Variants in STOX2 observed in about 807,000 individuals in gnomAD.
The protein encoded by STOX2 is storkhead box 2.
Under a neutral mutation model 60.9 loss-of-function variants are expected in STOX2, and 28 were observed. That is an observed-to-expected ratio of 0.46 (90% CI 0.34 to 0.63). STOX2 has a LOEUF of 0.63. STOX2 is among the 30% of genes least tolerant of loss of function. The pLI, the probability that STOX2 is intolerant of heterozygous loss-of-function variation, is 0.01. For missense variants in STOX2, 1,024 were observed against 1,187.7 expected (o/e 0.86, Z 2.03); for synonymous variants, 472 against 463.9 (o/e 1.02, Z -0.22).
chr4:183,927,912 C>T (rs1196552962), intron 1 of STOX2, among the ~76,000 whole-genome samples: 1 of 152,144 alleles, frequency 6.6e-6, no homozygotes, highest in Non-Finnish European at 1.5e-5. Flanking sequence ...CCCAGGCATC[C>T]CACCAAGTGG....
chr4:183,912,669 G>T (rs1028839687), intron 1 of STOX2, among the ~76,000 whole-genome samples: 1 of 152,156 alleles, frequency 6.6e-6, no homozygotes, highest in Non-Finnish European at 1.5e-5. Flanking sequence ...CACATCACGA[G>T]TTTACAACCC....
intron 2 of STOX2, among the ~76,000 whole-genome samples, chr4:184,008,499 TACTG>T (rs149808313): frequency 0.032 from 4,817 of 152,270 alleles, 270 homozygotes; most frequent in African/African-American, 0.11. Flanking sequence ...ACCTTCTTCT[TACTG>T]ACTGACGCCA....
At chr4:183,844,049 C>T (rs956664220) in intron 1 of STOX2, among the ~76,000 whole-genome samples, 3 of 152,112 alleles carry the variant, frequency 2.0e-5, no homozygotes, top group Non-Finnish European at 4.4e-5. Context: ...AATTTCTAAT[C>T]TTTTTAAAAG....
At chr4:183,918,676 G>A (rs2309942) in intron 1 of STOX2, among the ~76,000 whole-genome samples, 34,722 of 152,204 alleles carry the variant, frequency 0.23, 4,413 homozygotes, top group East Asian at 0.52. Flanking sequence ...GTTTATAAAA[G>A]TAGTGATGGG....
chr4:183,837,279 A>G (rs1305181744), intron 1 of STOX2, among the ~76,000 whole-genome samples: 2 of 152,194 alleles, frequency 1.3e-5, no homozygotes, highest in African/African-American at 2.4e-5. Context: ...TCACAATGTC[A>G]TGTAACCATC....
chr4:183,999,094 C>G lies in STOX2; in HGVS notation c.167-2231C>G, dbSNP rs1560930978. On this transcript the variant is annotated intron_variant, in intron 1 of 3. Transcript: ENST00000308497. ...AAAACAAATGAACAAACAAAAAAACCCAGCTTTTTTTGTAGGAAAAAAAAG... is the reference window on the plus strand; with the variant it reads ...AAAACAAATGAACAAACAAAAAAACGCAGCTTTTTTTGTAGGAAAAAAAAG... Among the ~76,000 whole-genome samples the G allele has an allele frequency of 2.0e-5, 3 of 151,942 alleles. No individual in the cohort carries two copies. The South Asian group carries it at 6.2e-4, about 32-fold the overall frequency.
At chr4:183,917,340 C>A (rs1308114809) in intron 1 of STOX2, among the ~76,000 whole-genome samples, 1 of 152,208 alleles carries the variant, frequency 6.6e-6, no homozygotes, top group Non-Finnish European at 1.5e-5. Context: ...TTAGCTGTAA[C>A]CACCGGGTTG....
chr4:183,843,492 T>G (rs1739917190), intron 1 of STOX2, among the ~76,000 whole-genome samples: 2 of 152,184 alleles, frequency 1.3e-5, no homozygotes, highest in African/African-American at 4.8e-5. Flanking sequence ...TTGGCAAACT[T>G]TTTCCACAGA....
chr4:183,847,583 A>G (rs1649642235), intron 1 of STOX2, among the ~76,000 whole-genome samples: 1 of 152,234 alleles, frequency 6.6e-6, no homozygotes, highest in Non-Finnish European at 1.5e-5. Context: ...CTCTCCTTCC[A>G]GCACTAGGAA....
At chr4:183,843,941 T>A (rs1260599357) in intron 1 of STOX2, among the ~76,000 whole-genome samples, 1 of 152,232 alleles carries the variant, frequency 6.6e-6, no homozygotes, top group Admixed American at 6.5e-5. Context: ...ATAGTTTATG[T>A]AGTGTAGGTG....
At chr4:183,972,069 T>C (rs1743757332) in intron 1 of STOX2, among the ~76,000 whole-genome samples, 1 of 152,096 alleles carries the variant, frequency 6.6e-6, no homozygotes, top group Non-Finnish European at 1.5e-5. Context: ...TCATAGTGAG[T>C]GGAAGAAGCC....
intron 1 of STOX2, among the ~76,000 whole-genome samples, chr4:183,987,525 C>A (rs368370165): frequency 2.6e-5 from 4 of 152,150 alleles, no homozygotes; most frequent in African/African-American, 9.6e-5. Flanking sequence ...AGGGGAGGAA[C>A]CAGCCACCCC....
chr4:183,956,607 T>A (rs1217397806), intron 1 of STOX2, among the ~76,000 whole-genome samples: 1 of 152,184 alleles, frequency 6.6e-6, no homozygotes, highest in Non-Finnish European at 1.5e-5. Context: ...CTCTTACACA[T>A]AATAAGACTA....
chr4:183,887,265 A>G (rs983011761), intron 1 of STOX2, among the ~76,000 whole-genome samples: 2 of 75,920 alleles, frequency 2.6e-5, no homozygotes, highest in East Asian at 3.0e-3. Context: ...ACTCCGCCTG[A>G]AAGAAAAAAA....
Position 184,021,426 on chromosome 4 carries a change from A to G in STOX2, c.*4142A>G, listed in dbSNP as rs1734587881. The G allele has an allele frequency of 7.1e-6, 1 of 140,568 alleles. No individual in the cohort carries two copies. The highest frequency in any genetic ancestry group is 1.5e-5 in the Non-Finnish European group (1 of 65,912). The allele number at this position is 140,568 out of a possible 1,614,324, so 8.7% of individuals were successfully genotyped here. On this transcript the variant is annotated 3_prime_UTR_variant, in exon 4 of 4. Transcript: ENST00000308497. The stretch of plus-strand genomic sequence containing the variant: ...TCAAAGAAAACAAATACATCTTGAC[A>G]CTTTTGTCCATTTTCATTAAAAAAA...
In STOX2 at chr4:184,001,807, G is replaced by T. The variant is rs1325733254; in HGVS notation, c.319+330G>T. On this transcript the variant is annotated intron_variant, in intron 2 of 3. Transcript: ENST00000308497. This position sits in a 1 kb window ranked among gnomAD's most constrained non-coding sequence, Gnocchi z 4.2. ...AAATACATGAACGTGAGGGTTCAAC[G>T]GCTGAAAACTTTAGTCCTAGGGAGT... is the stretch of plus-strand genomic sequence containing the variant. 1.3e-5 allele frequency among the ~76,000 whole-genome samples: 2 copies of T among 152,012 alleles called. No homozygotes were observed. Among genetic ancestry groups the T allele is most frequent in the Admixed American group, 1.3e-4 (2 of 15,256 alleles).
intron 1 of STOX2, chr4:183,988,845 AGTT>A (rs936924650): frequency 6.6e-6 from 1 of 152,654 alleles, no homozygotes; most frequent in Non-Finnish European, 1.5e-5. Context: ...TTATTTCAAC[AGTT>A]GTTGTGTGCA....
chr4:183,902,134 A>G (rs937214640), upstream of STOX2, among the ~76,000 whole-genome samples: 1 of 152,236 alleles, frequency 6.6e-6, no homozygotes, highest in African/African-American at 2.4e-5. Context: ...ATAGCTCTGA[A>G]CAAAACAGAA....
chr4:183,819,334 G>C (rs984424392), intron 1 of STOX2, among the ~76,000 whole-genome samples: 4 of 152,036 alleles, frequency 2.6e-5, no homozygotes, highest in Non-Finnish European at 5.9e-5. Context: ...CTCCCGGTTA[G>C]GAGCTGGAGA....
Sources: gnomAD v4.1 joint callset for allele counts (sites outside exome capture counted in the v4.1 genomes callset) on GRCh38, gnomAD v4.1.1 for gene constraint, Gnocchi (gnomAD v3.1) non-coding constraint, MANE v1.5 for transcripts, NCBI Gene and HGNC (gene_info 2026-07-23, HGNC 2026-07-21) for gene names.